NHS: variants seen among roughly 807,000 people sequenced by gnomAD.
The protein encoded by NHS is actin remodeling regulator NHS.
NHS carries 5 observed loss-of-function variants against 72.5 expected under a neutral mutation model. The ratio of observed to expected loss-of-function variants is 0.07; its 90% confidence interval spans 0.04 to 0.14. The LOEUF (loss-of-function observed/expected upper bound fraction) is 0.14, where lower values mean the gene tolerates loss of function less well. Ranked by LOEUF, NHS falls within the 10% of genes least tolerant of loss-of-function variation. NHS has a pLI of 1.00. For synonymous variants in NHS, 464 were observed against 547.7 expected (o/e 0.85, Z 2.13); for missense variants, 1,072 against 1,355.7 (o/e 0.79, Z 3.29).
intron 1 of NHS, among the ~76,000 whole-genome samples, chrX:17,679,519 C>A (rs980104842): frequency 9.0e-6 from 1 of 111,394 alleles, no homozygotes; most frequent in Non-Finnish European, 1.9e-5. Flanking sequence ...ATGTGTATGG[C>A]AATCTAAGAT....
At chrX:17,551,651 C>T (rs913698771) in intron 1 of NHS, among the ~76,000 whole-genome samples, 5 of 112,023 alleles carry the variant, frequency 4.5e-5, no homozygotes, top group Admixed American at 2.8e-4. Context: ...ATGAAGCTGC[C>T]GGTCCCATAA....
chrX:17,637,471 C>T (rs766561521), intron 1 of NHS, among the ~76,000 whole-genome samples: 1 of 111,265 alleles, frequency 9.0e-6, no homozygotes, highest in African/African-American at 3.3e-5. Context: ...ATGAGTTTGG[C>T]TATCTTTGGG....
At chrX:17,720,238 G>A (rs758518545) in intron 4 of NHS, among the ~76,000 whole-genome samples, 1 of 111,497 alleles carries the variant, frequency 9.0e-6, no homozygotes, top group South Asian at 3.8e-4. Flanking sequence ...GTAAATGCTG[G>A]GGGTGAGTTT....
chrX:17,711,218 A>G (rs2066327584), intron 3 of NHS, among the ~76,000 whole-genome samples: 1 of 111,886 alleles, frequency 8.9e-6, no homozygotes, highest in Non-Finnish European at 1.9e-5. Context: ...CTAATTGGCA[A>G]AGCTGACCAC....
At chrX:17,691,900 CA>C (rs2066197951) in intron 2 of NHS, among the ~76,000 whole-genome samples, 1 of 112,024 alleles carries the variant, frequency 8.9e-6, no homozygotes, top group Non-Finnish European at 1.9e-5. Flanking sequence ...GAATATGTAG[CA>C]ATCAGCTCCC....
chrX:17,519,741 T>C (rs2065138451), intron 1 of NHS, among the ~76,000 whole-genome samples: 1 of 111,384 alleles, frequency 9.0e-6, no homozygotes, highest in South Asian at 3.9e-4. Flanking sequence ...TTCTTTGTGG[T>C]TTAGGATAAC....
intron 1 of NHS, among the ~76,000 whole-genome samples, chrX:17,401,902 G>A: frequency 8.9e-6 from 1 of 111,741 alleles, no homozygotes; most frequent in African/African-American, 3.3e-5. Flanking sequence ...ACTGGGGATT[G>A]GACTTTAACA....
At chrX:17,589,870 C>G (rs1248843884) in intron 1 of NHS, among the ~76,000 whole-genome samples, 1 of 111,357 alleles carries the variant, frequency 9.0e-6, no homozygotes, top group Admixed American at 9.6e-5. Context: ...TTTGATTATG[C>G]CCATTCTTGC....
chrX:17,406,994 T>G (rs1352111583), intron 1 of NHS, among the ~76,000 whole-genome samples: 1 of 111,841 alleles, frequency 8.9e-6, no homozygotes, highest in Non-Finnish European at 1.9e-5. Flanking sequence ...AAAGTTTCCC[T>G]GTGGAAGAAG....
chrX:17,498,442 A>G (rs2065022961), intron 1 of NHS, among the ~76,000 whole-genome samples: 1 of 111,833 alleles, frequency 8.9e-6, no homozygotes, highest in Non-Finnish European at 1.9e-5. Flanking sequence ...CACAAAGTAT[A>G]ACTAAAAACT....
At chrX:17,589,396 T>C (rs769357214) in intron 1 of NHS, among the ~76,000 whole-genome samples, 23 of 112,002 alleles carry the variant, frequency 2.1e-4, no homozygotes, top group Non-Finnish European at 4.1e-4. Flanking sequence ...CTCCCACTTA[T>C]AAGTAAGAAC....
intron 1 of NHS, among the ~76,000 whole-genome samples, chrX:17,584,997 C>T (rs4825359): frequency 0.43 from 46,964 of 110,029 alleles, 7,693 homozygotes; most frequent in East Asian, 0.71. Flanking sequence ...TATTTATTTT[C>T]GTGAGGATAG....
chrX:17,637,821 T>A (rs1038630009), intron 1 of NHS, among the ~76,000 whole-genome samples: 2 of 111,949 alleles, frequency 1.8e-5, no homozygotes, highest in African/African-American at 3.2e-5. Context: ...CTTATAAGCA[T>A]AGGAATAAAA....
At chrX:17,711,159 G>A (rs1261161694) in intron 3 of NHS, among the ~76,000 whole-genome samples, 3 of 112,381 alleles carry the variant, frequency 2.7e-5, no homozygotes, top group Non-Finnish European at 5.6e-5. Context: ...TTTGGTTCTA[G>A]CAACCTTTGA....
chrX:17,695,945 G>C (rs931013038), intron 3 of NHS, among the ~76,000 whole-genome samples: 1 of 108,461 alleles, frequency 9.2e-6, no homozygotes, highest in Non-Finnish European at 1.9e-5. Flanking sequence ...AAAAAAAAGG[G>C]GGGGGGTATC....
In NHS at chrX:17,527,546, G is replaced by T. The variant is rs764183683; in HGVS notation, c.565+151224G>T. Among the ~76,000 whole-genome samples, 3 of 111,800 alleles carry T rather than the reference G, an allele frequency of 2.7e-5. No homozygotes were observed. In the South Asian group the frequency reaches 1.1e-3, roughly 42 times the overall value. Reference sequence around the variant, plus strand: ...GTCTGAGCAGCCCCCGCCCCTCCTTGCGTAAACCCCTCTGCAGTTAGCATC... The same window carrying T: ...GTCTGAGCAGCCCCCGCCCCTCCTTTCGTAAACCCCTCTGCAGTTAGCATC... On this transcript the variant is annotated intron_variant, in intron 1 of 8. Coordinates refer to ENST00000676302, the MANE Select transcript of NHS (RefSeq NM_001291867.2).
chrX:17,514,161 A>G (rs778954639), intron 1 of NHS, among the ~76,000 whole-genome samples: 1 of 112,054 alleles, frequency 8.9e-6, no homozygotes, highest in South Asian at 3.7e-4. Context: ...CTTCCAACAC[A>G]TGAGAATTCA....
chrX:17,532,538 G>T (rs747711845), intron 1 of NHS, among the ~76,000 whole-genome samples: 1 of 111,647 alleles, frequency 9.0e-6, no homozygotes, highest in Non-Finnish European at 1.9e-5. Flanking sequence ...GCATTTGAAG[G>T]CTTCCTCCTT....
chrX:17,704,973 G>A lies in NHS; in HGVS notation c.852+12505G>A, dbSNP rs1460235730. On this transcript the variant is annotated intron_variant, in intron 3 of 8. Coordinates refer to ENST00000676302, the MANE Select transcript of NHS (RefSeq NM_001291867.2). ...TATGGACAAGATTGAAGGAGCATGC[G>A]GAAGCCTACAGTCTAGTCCAGTGAA... 5.4e-5 allele frequency among the ~76,000 whole-genome samples: 6 copies of A among 112,128 alleles called. 1 individual carries two copies. The highest frequency in any genetic ancestry group is 7.5e-4 in the South Asian group (2 of 2,673).
Sources: gnomAD v4.1 joint callset for allele counts (sites outside exome capture counted in the v4.1 genomes callset) on GRCh38, gnomAD v4.1.1 for gene constraint, MANE v1.5 for transcripts, NCBI Gene and HGNC (gene_info 2026-07-23, HGNC 2026-07-21) for gene names.